The following PRKD1 variants were observed in gnomAD, a reference collection of about 807,000 sequenced individuals.
The protein encoded by PRKD1 is serine/threonine-protein kinase D1.
In PRKD1, 63 loss-of-function variants were observed where a neutral mutation model predicts 95.9. The ratio of observed to expected loss-of-function variants is 0.66; its 90% CI spans 0.54 to 0.81. The LOEUF is 0.81. PRKD1 is among the 30% of genes least tolerant of loss of function. The probability of loss-of-function intolerance (pLI) is 0.00; values close to 1 mark genes in which losing one functional copy is unlikely to be tolerated. For missense variants in PRKD1, 1,048 were observed against 1,165.3 expected (o/e 0.90, Z 1.47); for synonymous variants, 425 against 423.1 (o/e 1.00, Z -0.05).
chr14:29,736,060 T>C (rs762141824), intron 1 of PRKD1, among the ~76,000 whole-genome samples: 5 of 152,152 alleles, frequency 3.3e-5, no homozygotes, highest in Non-Finnish European at 7.4e-5. Flanking sequence ...CTCTCTCCTA[T>C]ATCCATCTGT....
At chr14:29,889,569 A>G (rs754330144) in intron 1 of PRKD1, among the ~76,000 whole-genome samples, 2 of 152,218 alleles carry the variant, frequency 1.3e-5, no homozygotes, top group Non-Finnish European at 2.9e-5. Context: ...ACAAAAAAGG[A>G]TGAGTTCATG....
In PRKD1 at chr14:29,867,127, A is replaced by G. The variant is rs144719097; in HGVS notation, c.264+60122T>C. Among the ~76,000 whole-genome samples the G allele has an allele frequency of 9.6e-4, 147 of 152,336 alleles. 3 individuals are homozygous for G. The highest frequency in any genetic ancestry group is 3.4e-3 in the African/African-American group (140 of 41,576). On this transcript the variant is annotated intron_variant, in intron 1 of 17. Coordinates refer to ENST00000331968, the MANE Select transcript of PRKD1 (RefSeq NM_002742.3). ...TATACCTGCTCCTCAATTGGATAGA[A>G]GCTTCAATCTCATAATTTTGGCACT... is the stretch of plus-strand genomic sequence containing the variant.
chr14:29,906,060 A>G (rs1894484192), intron 1 of PRKD1, among the ~76,000 whole-genome samples: 1 of 152,206 alleles, frequency 6.6e-6, no homozygotes, highest in Non-Finnish European at 1.5e-5. Flanking sequence ...ACTAAAATCA[A>G]TGAGAAAATT....
chr14:29,890,684 A>T (rs1893908215), intron 1 of PRKD1, among the ~76,000 whole-genome samples: 1 of 152,174 alleles, frequency 6.6e-6, no homozygotes, highest in African/African-American at 2.4e-5. Flanking sequence ...AAGAAAGATA[A>T]TCTTCCAATT....
At chr14:29,713,450 A>C (rs1212399409) in intron 2 of PRKD1, among the ~76,000 whole-genome samples, 5 of 152,190 alleles carry the variant, frequency 3.3e-5, no homozygotes, top group African/African-American at 1.2e-4. Context: ...GCAGCTTATG[A>C]AGTATAACAA....
chr14:29,628,002 C>T (rs1879738288), intron 11 of PRKD1, among the ~76,000 whole-genome samples: 1 of 152,168 alleles, frequency 6.6e-6, no homozygotes, highest in East Asian at 1.9e-4. Context: ...TGGAACAATT[C>T]CACAGCTATC....
chr14:29,578,544 A>G (rs919175016), intron 16 of PRKD1, among the ~76,000 whole-genome samples, 184 bp from the exon 17 acceptor site: 1 of 82,382 alleles, frequency 1.2e-5, no homozygotes, highest in Non-Finnish European at 2.2e-5. Flanking sequence ...TTTGGATACT[A>G]AAAAAAAAAA....
At chr14:29,628,307 C>T (rs1242476903) in intron 11 of PRKD1, among the ~76,000 whole-genome samples, 2 of 152,132 alleles carry the variant, frequency 1.3e-5, no homozygotes, top group Non-Finnish European at 2.9e-5. Flanking sequence ...CTGTAAACTG[C>T]ATTCTTTTGG....
At chr14:29,915,888 T>C (rs1225073023) in intron 1 of PRKD1, among the ~76,000 whole-genome samples, 4 of 152,200 alleles carry the variant, frequency 2.6e-5, no homozygotes, top group African/African-American at 9.6e-5. Flanking sequence ...TAGCTGTGTG[T>C]CTTGAGGTAA....
At chr14:29,657,101 T>C (rs764064384) in intron 4 of PRKD1, among the ~76,000 whole-genome samples, 38 of 152,186 alleles carry the variant, frequency 2.5e-4, no homozygotes, top group Non-Finnish European at 4.1e-4. Flanking sequence ...TTAGAATCTT[T>C]GTTGCATATT....
At chr14:29,659,709 G>C (rs1882087265) in intron 4 of PRKD1, among the ~76,000 whole-genome samples, 1 of 152,174 alleles carries the variant, frequency 6.6e-6, no homozygotes, top group African/African-American at 2.4e-5. Flanking sequence ...TACAGTCCTT[G>C]ATAACTAATG....
At chr14:29,763,864 A>C (rs1022397074) in intron 1 of PRKD1, among the ~76,000 whole-genome samples, 1 of 152,134 alleles carries the variant, frequency 6.6e-6, no homozygotes, top group South Asian at 2.1e-4. Flanking sequence ...TTTATTTAGG[A>C]TATACTATCT....
At chr14:29,642,354 C>A (rs1248428478) in intron 4 of PRKD1, among the ~76,000 whole-genome samples, 1 of 151,964 alleles carries the variant, frequency 6.6e-6, no homozygotes, top group African/African-American at 2.4e-5. Flanking sequence ...TATGTGAAGG[C>A]ATGTACAACA....
chr14:29,580,269 G>A (rs971025760), intron 16 of PRKD1, among the ~76,000 whole-genome samples: 1 of 152,156 alleles, frequency 6.6e-6, no homozygotes, highest in African/African-American at 2.4e-5. Context: ...AGAAGTGTCT[G>A]AAGGGAATGG....
intron 1 of PRKD1, among the ~76,000 whole-genome samples, chr14:29,829,038 C>A (rs746006450): frequency 3.9e-5 from 6 of 152,184 alleles, no homozygotes; most frequent in Non-Finnish European, 7.3e-5. Flanking sequence ...TTGTGAGAAG[C>A]CCAGGCCACG....
chr14:29,722,319 T>C (rs1594459005), intron 2 of PRKD1, among the ~76,000 whole-genome samples: 1 of 151,786 alleles, frequency 6.6e-6, no homozygotes, highest in East Asian at 1.9e-4. Context: ...CAGGAAGGAG[T>C]ATGTAATCCA....
intron 2 of PRKD1, among the ~76,000 whole-genome samples, chr14:29,703,211 A>G (rs1169149915): frequency 6.6e-6 from 1 of 152,174 alleles, no homozygotes; most frequent in Non-Finnish European, 1.5e-5. Flanking sequence ...CTTCCATGCA[A>G]AAACAGTGGT....
At chr14:29,668,480 C>T (rs1882650469) in intron 2 of PRKD1, among the ~76,000 whole-genome samples, 1 of 152,152 alleles carries the variant, frequency 6.6e-6, no homozygotes, top group African/African-American at 2.4e-5. Context: ...TTGCTCTATT[C>T]ACAGCCTATT....
chr14:29,913,318 A>T (rs914732103), intron 1 of PRKD1, among the ~76,000 whole-genome samples: 2 of 152,194 alleles, frequency 1.3e-5, no homozygotes, highest in African/African-American at 4.8e-5. Context: ...AAGGTAATAA[A>T]ATGTGTGCCC....
Sources: gnomAD v4.1 joint callset for allele counts (sites outside exome capture counted in the v4.1 genomes callset) on GRCh38, gnomAD v4.1.1 for gene constraint, MANE v1.5 for transcripts, NCBI Gene and HGNC (gene_info 2026-07-23, HGNC 2026-07-21) for gene names.